The following NT5DC1 variants were observed in gnomAD, a reference collection of about 807,000 sequenced individuals.
NT5DC1 encodes 5'-nucleotidase domain containing 1.
A neutral mutation model predicts 59.4 loss-of-function variants in NT5DC1; 42 were observed. That is an observed-to-expected ratio of 0.71 (90% CI 0.55 to 0.92). The LOEUF is 0.92. NT5DC1 is among the 40% of genes least tolerant of loss of function. The pLI is 0.00. For synonymous variants in NT5DC1, 172 were observed against 188.1 expected (o/e 0.91, Z 0.70); for missense variants, 501 against 537.1 (o/e 0.93, Z 0.66).
Position 116,237,074 on chromosome 6 carries a change from C to A in NT5DC1, c.911C>A (p.Pro304His). Residue 304 changes from proline (P) to histidine (H), a missense_variant, in exon 9 of 12, where the codon CCT becomes CAT. Physicochemically the swap from Pro to His is moderately conservative, Grantham distance 77. Coordinates refer to ENST00000319550, the MANE Select transcript of NT5DC1 (RefSeq NM_152729.3). Reference sequence around the variant, plus strand: ...CTTCTGAAGAAAATGACTGGCAAACCTGAACCCAAGGTATTTCCCAGTTGA... The same window carrying A: ...CTTCTGAAGAAAATGACTGGCAAACATGAACCCAAGGTATTTCCCAGTTGA... ...YELLKKMTGK[P>H]EPKVVYFGDS... The A allele has an allele frequency of 6.2e-7, 1 of 1,601,144 alleles. No homozygotes were observed. Among genetic ancestry groups the A allele is most frequent in the Non-Finnish European group, 8.6e-7 (1 of 1,168,228 alleles).
intron 8 of NT5DC1, among the ~76,000 whole-genome samples, chr6:116,232,342 T>A (rs1371355083): frequency 6.6e-6 from 1 of 152,176 alleles, no homozygotes; most frequent in African/African-American, 2.4e-5. Context: ...ATTGTATGCT[T>A]TAAATATATT....
intron 1 of NT5DC1, 77 bp downstream of exon 1, chr6:116,101,100 G>A (rs1778637330): frequency 5.5e-6 from 6 of 1,097,732 alleles, no homozygotes; most frequent in African/African-American, 1.6e-5. Flanking sequence ...CCAGGTTTGG[G>A]CAACGGCGGA....
chr6:116,209,585 A>G (rs183652209), intron 6 of NT5DC1, among the ~76,000 whole-genome samples: 1 of 152,094 alleles, frequency 6.6e-6, no homozygotes, highest in Non-Finnish European at 1.5e-5. Flanking sequence ...TCCTCATAGA[A>G]GGTAACCTTG....
intron 8 of NT5DC1, among the ~76,000 whole-genome samples, chr6:116,230,101 A>T (rs1474480726): frequency 6.6e-6 from 1 of 152,126 alleles, no homozygotes; most frequent in Non-Finnish European, 1.5e-5. Context: ...AATCCTGCTT[A>T]ATATACCTGG....
intron 6 of NT5DC1, among the ~76,000 whole-genome samples, chr6:116,162,239 T>C (rs1000784869): frequency 2.0e-5 from 3 of 152,210 alleles, no homozygotes; most frequent in African/African-American, 7.2e-5. Context: ...TAATTTGACT[T>C]CCACTTTTCC....
intron 6 of NT5DC1, among the ~76,000 whole-genome samples, chr6:116,159,962 C>T (rs1193771622): frequency 2.0e-5 from 3 of 152,062 alleles, no homozygotes; most frequent in East Asian, 1.9e-4. Context: ...TTTTTATGGC[C>T]GTGTAGTATT....
chr6:116,170,290 G>A (rs1364118429), intron 6 of NT5DC1, among the ~76,000 whole-genome samples: 5 of 152,130 alleles, frequency 3.3e-5, no homozygotes. Context: ...GAAGATAATT[G>A]TGGTGTATAT....
chr6:116,192,627 T>C (rs1430798849), intron 6 of NT5DC1, among the ~76,000 whole-genome samples: 1 of 152,106 alleles, frequency 6.6e-6, no homozygotes, highest in African/African-American at 2.4e-5. Flanking sequence ...GTTTACTTTG[T>C]ATATTATAAA....
At chr6:116,202,173 G>T (rs990622166) in intron 6 of NT5DC1, among the ~76,000 whole-genome samples, 1 of 152,002 alleles carries the variant, frequency 6.6e-6, no homozygotes, top group East Asian at 1.9e-4. Flanking sequence ...AGTCTAGACA[G>T]TGTAGGAATC....
At chr6:116,132,664 GTGACA>G (rs557335096) in intron 6 of NT5DC1, among the ~76,000 whole-genome samples, 79 of 152,236 alleles carry the variant, frequency 5.2e-4, no homozygotes, top group African/African-American at 1.8e-3. Flanking sequence ...CATTTCTGAT[GTGACA>G]AGCTGTTGGC....
intron 6 of NT5DC1, among the ~76,000 whole-genome samples, chr6:116,191,111 G>A (rs921546610): frequency 2.6e-5 from 4 of 151,944 alleles, no homozygotes; most frequent in Admixed American, 2.0e-4. Flanking sequence ...GCAAATATCT[G>A]TGGAAACCAA....
At chr6:116,104,433 G>A (rs1456019890) in intron 1 of NT5DC1, among the ~76,000 whole-genome samples, 1 of 152,168 alleles carries the variant, frequency 6.6e-6, no homozygotes, top group Non-Finnish European at 1.5e-5. Flanking sequence ...AAACTCAAAA[G>A]TGCCTCAATG....
chr6:116,143,202 C>T (rs973416834), intron 6 of NT5DC1, among the ~76,000 whole-genome samples: 3 of 151,854 alleles, frequency 2.0e-5, no homozygotes, highest in African/African-American at 7.3e-5. Flanking sequence ...TACATTTTCT[C>T]ACCTCTTTTG....
Position 116,121,826 on chromosome 6 carries a change from G to A in NT5DC1, c.529+3881G>A, listed in dbSNP as rs1040463015. ...TACAGCTGATGGTCCCGGTGGTCCTGGCAACCCTGGCTCTCCTTGGAGTCC... is the reference window on the plus strand; with the variant it reads ...TACAGCTGATGGTCCCGGTGGTCCTAGCAACCCTGGCTCTCCTTGGAGTCC... On this transcript the variant is annotated intron_variant, in intron 6 of 11. Coordinates refer to ENST00000319550, the MANE Select transcript of NT5DC1 (RefSeq NM_152729.3). The A allele has an allele frequency of 6.2e-7, 1 of 1,613,788 alleles. No individual in the cohort carries two copies. The highest frequency in any genetic ancestry group is 8.5e-7 in the Non-Finnish European group (1 of 1,179,938).
chr6:116,146,100 G>C (rs1400730069), intron 6 of NT5DC1, among the ~76,000 whole-genome samples: 1 of 152,190 alleles, frequency 6.6e-6, no homozygotes, highest in Non-Finnish European at 1.5e-5. Context: ...CTGACTTGTT[G>C]ATTATGGTTA....
In NT5DC1 at chr6:116,120,469, C is replaced by T. The variant is rs142108410; in HGVS notation, c.529+2524C>T. The T allele has an allele frequency of 5.6e-5, 90 of 1,614,258 alleles. No individual in the cohort carries two copies. The African/African-American group carries it at 1.1e-3, about 20-fold the overall frequency. Reference sequence around the variant, plus strand: ...GAATAACAGTAAAAGCAGACACAGGCATTCCTGTTACCCCCTGGTTGGCAC... The same window carrying T: ...GAATAACAGTAAAAGCAGACACAGGTATTCCTGTTACCCCCTGGTTGGCAC... On this transcript the variant is annotated intron_variant, in intron 6 of 11. Transcript: ENST00000319550.
intron 2 of NT5DC1, 91 bp downstream of exon 2, chr6:116,106,426 G>A (rs546726543): frequency 1.5e-6 from 1 of 669,402 alleles, no homozygotes; most frequent in South Asian, 1.7e-5. Flanking sequence ...TCTCTTCTAA[G>A]AAGATGGAAT....
At chr6:116,195,472 C>T (rs1345293971) in intron 6 of NT5DC1, among the ~76,000 whole-genome samples, 1 of 151,726 alleles carries the variant, frequency 6.6e-6, no homozygotes, top group Non-Finnish European at 1.5e-5. Flanking sequence ...AAATTGTGAC[C>T]AAATCATTAC....
At chr6:116,168,102 T>A (rs62414134) in intron 6 of NT5DC1, among the ~76,000 whole-genome samples, 6 of 136,942 alleles carry the variant, frequency 4.4e-5, no homozygotes, top group Admixed American at 2.1e-4. Context: ...TTTTTTTTTT[T>A]AAATTCTCCT....
Sources: allele counts gnomAD v4.1 joint callset (sites outside exome capture counted in the v4.1 genomes callset), GRCh38; gene constraint gnomAD v4.1.1; transcripts MANE v1.5; gene names NCBI Gene and HGNC (gene_info 2026-07-23, HGNC 2026-07-21).